DOCK3: variants seen among roughly 807,000 people sequenced by gnomAD.
DOCK3 encodes the protein dedicator of cytokinesis protein 3.
A neutral mutation model predicts 265.6 loss-of-function variants in DOCK3; 60 were observed. That is an observed-to-expected ratio of 0.23 (90% CI 0.18 to 0.28). DOCK3 has a LOEUF of 0.28. Among genes scored for constraint, DOCK3 ranks in the 10% least tolerant of loss-of-function variants. The pLI is 1.00. For synonymous variants in DOCK3, 881 were observed against 938.0 expected, an observed-to-expected ratio of 0.94 and a Z score of 1.11; for missense variants, 1,981 against 2,594.3, an observed-to-expected ratio of 0.76 and a Z score of 5.14.
At chr3:50,868,509 G>A (rs1361809414) in intron 3 of DOCK3, among the ~76,000 whole-genome samples, 1 of 152,010 alleles carries the variant, frequency 6.6e-6, no homozygotes, top group African/African-American at 2.4e-5. Context: ...AAGTAGCTGG[G>A]ACTACAGGCA....
At chr3:50,921,893 T>A (rs921648139) in intron 4 of DOCK3, among the ~76,000 whole-genome samples, 4 of 152,198 alleles carry the variant, frequency 2.6e-5, no homozygotes, top group African/African-American at 9.6e-5. Context: ...CGGCAAATGT[T>A]GCTGCCCAAT....
intron 2 of DOCK3, among the ~76,000 whole-genome samples, chr3:50,782,295 T>TTTC (rs1213019151): frequency 2.9e-5 from 4 of 136,262 alleles, no homozygotes; most frequent in African/African-American, 1.1e-4. Flanking sequence ...TGTTATTTTT[T>TTTC]TTTTTTTTTT....
chr3:51,305,834 C>CT (rs761039681), intron 27 of DOCK3, among the ~76,000 whole-genome samples: 2,492 of 50,506 alleles, frequency 0.049, 465 homozygotes, highest in East Asian at 0.28. Flanking sequence ...ATTTCTTCTT[C>CT]TTTTTTTTTT....
At position 51,374,416 on chromosome 3, in the gene DOCK3, A is replaced by T; in HGVS notation, c.5294-53A>T. 6.5e-7 allele frequency: 1 copy of T among 1,543,400 alleles called. No individual in the cohort carries two copies. Among genetic ancestry groups the T allele is most frequent in the East Asian group, 2.4e-5 (1 of 42,384 alleles). ...AGTCCTGAGGATGCTTGACTGCTGG[A>T]CCCTCCATCTGTGGCTTGTCATCTG... On this transcript the variant is annotated intron_variant, in intron 49 of 52. Transcript: ENST00000266037. This position sits in a 1 kb window ranked among gnomAD's most constrained non-coding sequence, Gnocchi z 4.8.
chr3:50,789,810 G>A (rs1013017869), intron 2 of DOCK3, among the ~76,000 whole-genome samples: 33 of 152,056 alleles, frequency 2.2e-4, no homozygotes, highest in African/African-American at 8.0e-4. Context: ...CATCAGTGGT[G>A]TGACCTGTGC....
At chr3:51,000,289 A>G (rs2108680785) in intron 5 of DOCK3, among the ~76,000 whole-genome samples, 1 of 152,338 alleles carries the variant, frequency 6.6e-6, no homozygotes, top group Admixed American at 6.5e-5. Context: ...AAATTAGGCA[A>G]AACAGACAAA....
intron 27 of DOCK3, among the ~76,000 whole-genome samples, chr3:51,305,079 A>G (rs920031060): frequency 1.3e-5 from 2 of 152,202 alleles, no homozygotes; most frequent in African/African-American, 4.8e-5. Context: ...TGTTAGAGCT[A>G]GATAGTTTAT....
intron 10 of DOCK3, 37 bp from the exon 11 acceptor site, chr3:51,159,207 G>T (rs773827544): frequency 6.3e-7 from 1 of 1,591,470 alleles, no homozygotes; most frequent in Non-Finnish European, 8.6e-7. Flanking sequence ...TATTTTCTGT[G>T]TATTCCTTGC....
chr3:50,808,122 AGTATCAAAT>A (rs1559666583), intron 2 of DOCK3, among the ~76,000 whole-genome samples: 1 of 152,262 alleles, frequency 6.6e-6, no homozygotes, highest in African/African-American at 2.4e-5. Flanking sequence ...TATTTATAGT[AGTATCAAAT>A]GTATCAAATG....
chr3:50,906,672 T>C (rs971556813), intron 4 of DOCK3, among the ~76,000 whole-genome samples: 5 of 152,070 alleles, frequency 3.3e-5, no homozygotes, highest in Admixed American at 2.6e-4. Context: ...TTATTCTTGC[T>C]AGAAGTCTAT....
chr3:50,946,684 C>T (rs1414498515), intron 5 of DOCK3, among the ~76,000 whole-genome samples: 1 of 152,072 alleles, frequency 6.6e-6, no homozygotes, highest in East Asian at 1.9e-4. Context: ...GTAGTTTGTA[C>T]AAGGGATTTC....
At chr3:51,278,646 T>C in intron 26 of DOCK3, 1 of 766,388 alleles carries the variant, frequency 1.3e-6, no homozygotes, top group South Asian at 5.9e-5. Flanking sequence ...ACCCTGGCAT[T>C]TCCTGGTAAC....
At position 51,270,619 on chromosome 3, in the gene DOCK3, T is replaced by A. The variant is rs938451412; in HGVS notation, c.2356-196T>A. Among the ~76,000 whole-genome samples, 4 of 152,312 alleles carry A rather than the reference T, an allele frequency of 2.6e-5. No individual in the cohort carries two copies. The South Asian group carries it at 8.3e-4, about 32-fold the overall frequency. On this transcript the variant is annotated intron_variant, in intron 23 of 52. Transcript: ENST00000266037. ...CAATTGCCTGGATCCCAGTAAATTA[T>A]CTTGTTTTGGTTTCCTTTTTGGTTT...
intron 10 of DOCK3, among the ~76,000 whole-genome samples, chr3:51,148,968 T>C (rs994155890): frequency 2.6e-5 from 4 of 152,216 alleles, no homozygotes; most frequent in South Asian, 2.1e-4. Flanking sequence ...ATTCTTCCTA[T>C]CCATGAGCAT....
In DOCK3 at chr3:51,371,734, A is replaced by G. The variant is rs572248972; in HGVS notation, c.5294-2735A>G. On this transcript the variant is annotated intron_variant, in intron 49 of 52. Coordinates refer to ENST00000266037, the MANE Select transcript of DOCK3 (RefSeq NM_004947.5). ...CATGAGACCAGTGGTCTTCCTTGCCATACCCATGGACACTGCTGTGATTCC... is the reference window on the plus strand; with the variant it reads ...CATGAGACCAGTGGTCTTCCTTGCCGTACCCATGGACACTGCTGTGATTCC... Among the ~76,000 whole-genome samples the G allele has an allele frequency of 9.8e-5, 15 of 152,356 alleles. No individual in the cohort carries two copies. In the East Asian group the frequency reaches 2.5e-3, roughly 25 times the overall value.
chr3:51,257,391 C>T (rs542731261), intron 22 of DOCK3, among the ~76,000 whole-genome samples: 1 of 152,286 alleles, frequency 6.6e-6, no homozygotes, highest in East Asian at 1.9e-4. Context: ...TATATCTTTC[C>T]ACTCATAACC....
chr3:51,263,297 A>G (rs1356710380), intron 23 of DOCK3, among the ~76,000 whole-genome samples: 1 of 152,256 alleles, frequency 6.6e-6, no homozygotes, highest in Non-Finnish European at 1.5e-5. Context: ...TTTTCAACCC[A>G]GAATTTCATA....
intron 7 of DOCK3, among the ~76,000 whole-genome samples, chr3:51,087,132 A>G (rs560857617): frequency 2.0e-4 from 31 of 152,364 alleles, no homozygotes; most frequent in African/African-American, 6.7e-4. Context: ...CTATGAGACC[A>G]GCGTTACACA....
chr3:51,294,550 T>C (rs150285192), intron 27 of DOCK3, among the ~76,000 whole-genome samples: 1,887 of 151,954 alleles, frequency 0.012, 50 homozygotes, highest in African/African-American at 0.041. Context: ...TGGTGGCAGG[T>C]ACCTGTAGTC....
Sources: gnomAD v4.1 joint callset for allele counts (sites outside exome capture counted in the v4.1 genomes callset) on GRCh38, gnomAD v4.1.1 for gene constraint, Gnocchi (gnomAD v3.1) non-coding constraint, MANE v1.5 for transcripts, NCBI Gene and HGNC (gene_info 2026-07-23, HGNC 2026-07-21) for gene names.